CBFB: variants seen among roughly 807,000 people sequenced by gnomAD.
CBFB encodes the protein core-binding factor subunit beta, also known as CBF-beta.
Under a neutral mutation model 30.4 loss-of-function variants are expected in CBFB, and 9 were observed. The observed-to-expected ratio is 0.30, with a 90% CI of 0.18 to 0.52. The LOEUF is 0.52. Among genes scored for constraint, CBFB ranks in the 20% least tolerant of loss-of-function variants. CBFB has a pLI of 0.97. For missense variants in CBFB, 170 were observed against 244.0 expected, an observed-to-expected ratio of 0.70 and a Z score of 2.02; for synonymous variants, 94 against 84.0, an observed-to-expected ratio of 1.12 and a Z score of -0.65.
intron 4 of CBFB, among the ~76,000 whole-genome samples, chr16:67,070,678 T>C (rs1374497183): frequency 6.6e-6 from 1 of 151,046 alleles, no homozygotes; most frequent in Admixed American, 6.6e-5. Context: ...GGCAAAACCC[T>C]GTCTCTACCA....
At chr16:67,035,062 G>A (rs1047939262) in intron 2 of CBFB, among the ~76,000 whole-genome samples, 4 of 150,952 alleles carry the variant, frequency 2.6e-5, no homozygotes, top group South Asian at 2.1e-4. Context: ...ATTTATGCTC[G>A]TAGTACATGG....
At chr16:67,049,090 G>A (rs1966689966) in intron 3 of CBFB, among the ~76,000 whole-genome samples, 1 of 151,682 alleles carries the variant, frequency 6.6e-6, no homozygotes, top group South Asian at 2.1e-4. Context: ...TAAAGTGCTG[G>A]GATTACAGGT....
chr16:67,096,802 A>C (rs1249416219), intron 5 of CBFB, among the ~76,000 whole-genome samples: 1 of 151,216 alleles, frequency 6.6e-6, no homozygotes, highest in East Asian at 2.0e-4. Context: ...AAGAAACCCC[A>C]TCTCTACTAA....
chr16:67,048,484 T>C (rs1403090583), intron 3 of CBFB, among the ~76,000 whole-genome samples: 1 of 152,196 alleles, frequency 6.6e-6, no homozygotes, highest in African/African-American at 2.4e-5. Context: ...AAATAAGATA[T>C]TACATGAAGT....
Position 67,066,811 on chromosome 16 carries a change from C to A in CBFB, c.399+13C>A. ...GGAGCGAGCCCAGGTAGGGTAACAT[C>A]AGGCTTTATTGAGCATGGTCCCTTT... On this transcript the variant is annotated intron_variant, in intron 4 of 5. Transcript: ENST00000412916. 1 of 1,466,846 alleles carries A rather than the reference C, an allele frequency of 6.8e-7. No individual in the cohort carries two copies. The highest frequency in any genetic ancestry group is 9.5e-7 in the Non-Finnish European group (1 of 1,048,880). 90.9% of individuals were successfully genotyped at this position (1,466,846 alleles called of 1,614,324 possible). A position where few individuals can be genotyped will look rare whatever the true frequency, so the allele number is the denominator to read the frequency against.
At chr16:67,094,677 T>C (rs1026114114) in intron 5 of CBFB, among the ~76,000 whole-genome samples, 18 of 152,228 alleles carry the variant, frequency 1.2e-4, no homozygotes, top group Admixed American at 9.8e-4. Context: ...CTAACCTTCA[T>C]TGACTGAAAG....
chr16:67,071,499 C>A (rs555476442), intron 4 of CBFB, among the ~76,000 whole-genome samples: 1 of 152,110 alleles, frequency 6.6e-6, no homozygotes, highest in Non-Finnish European at 1.5e-5. Context: ...TCACGGGGAA[C>A]CAAATTGGCT....
At chr16:67,080,091 CAAAAAT>C (rs1961513332) in intron 4 of CBFB, among the ~76,000 whole-genome samples, 1 of 152,126 alleles carries the variant, frequency 6.6e-6, no homozygotes, top group Admixed American at 6.5e-5. Context: ...GACTCTGTCT[CAAAAAT>C]AATAATAATA....
At chr16:67,042,599 C>T (rs902023035) in intron 3 of CBFB, among the ~76,000 whole-genome samples, 12 of 152,234 alleles carry the variant, frequency 7.9e-5, no homozygotes, top group African/African-American at 2.9e-4. Flanking sequence ...CATGAGGTTG[C>T]AGTCAAGCTT....
chr16:67,092,624 C>A (rs748953357), intron 5 of CBFB, among the ~76,000 whole-genome samples: 28 of 151,086 alleles, frequency 1.9e-4, no homozygotes, highest in Non-Finnish European at 3.8e-4. Flanking sequence ...CCTTCCTTCC[C>A]CCTGAATTTT....
At chr16:67,092,191 C>T (rs192477306) in intron 5 of CBFB, among the ~76,000 whole-genome samples, 1 of 152,050 alleles carries the variant, frequency 6.6e-6, no homozygotes, top group East Asian at 1.9e-4. Context: ...GTTTGGTTTT[C>T]TGTTGCTGTG....
chr16:67,052,812 A>C (rs539054859), intron 3 of CBFB, among the ~76,000 whole-genome samples: 1 of 152,150 alleles, frequency 6.6e-6, no homozygotes, highest in South Asian at 2.1e-4. Flanking sequence ...AAAATAAAAT[A>C]ATTAGCCAGG....
intron 3 of CBFB, among the ~76,000 whole-genome samples, chr16:67,047,220 G>A (rs1182656985): frequency 4.0e-5 from 6 of 151,718 alleles, no homozygotes; most frequent in Admixed American, 2.6e-4. Context: ...AACACAGCAA[G>A]ACTCTGTCTC....
chr16:67,041,319 TA>T (rs1480297700), intron 3 of CBFB, among the ~76,000 whole-genome samples: 2 of 152,088 alleles, frequency 1.3e-5, no homozygotes, highest in Admixed American at 1.3e-4. Flanking sequence ...TAATAGGTTA[TA>T]GGGGGCAAAA....
chr16:67,047,788 G>C (rs1371399471), intron 3 of CBFB, among the ~76,000 whole-genome samples: 2 of 152,002 alleles, frequency 1.3e-5, no homozygotes, highest in African/African-American at 2.4e-5. Flanking sequence ...TTTTTACTGG[G>C]TCAGGTGCCG....
chr16:67,054,394 G>A (rs938618429), intron 3 of CBFB, among the ~76,000 whole-genome samples: 10 of 152,026 alleles, frequency 6.6e-5, no homozygotes, highest in African/African-American at 1.4e-4. Context: ...CAATTTCCCC[G>A]TCTTTGGAAG....
intron 3 of CBFB, among the ~76,000 whole-genome samples, chr16:67,061,701 A>C (rs978797028): frequency 3.9e-5 from 6 of 152,168 alleles, no homozygotes; most frequent in African/African-American, 1.4e-4. Flanking sequence ...TATTATTTTT[A>C]ATTATAATTG....
At chr16:67,043,367 C>G (rs1966564807) in intron 3 of CBFB, among the ~76,000 whole-genome samples, 1 of 152,130 alleles carries the variant, frequency 6.6e-6, no homozygotes, top group African/African-American at 2.4e-5. Flanking sequence ...AGAAATTAGT[C>G]CTTTTATTCA....
Position 67,088,137 on chromosome 16 carries a change from A to G in CBFB, c.495+5829A>G, listed in dbSNP as rs572995083. Reference sequence around the variant, plus strand: ...CTTGTAGAGAACTGTCATCTGGAAAATTGGGCTGGAATCTGACTCCAGCAC... The same window carrying G: ...CTTGTAGAGAACTGTCATCTGGAAAGTTGGGCTGGAATCTGACTCCAGCAC... On this transcript the variant is annotated intron_variant, in intron 5 of 5. Coordinates refer to ENST00000412916, the MANE Select transcript of CBFB (RefSeq NM_022845.3). Among the ~76,000 whole-genome samples, 71 of 152,306 alleles carry G rather than the reference A, an allele frequency of 4.7e-4. No individual in the cohort carries two copies. The Middle Eastern group carries it at 0.01, about 22-fold the overall frequency.
Sources: gnomAD v4.1 joint callset for allele counts (sites outside exome capture counted in the v4.1 genomes callset) on GRCh38, gnomAD v4.1.1 for gene constraint, MANE v1.5 for transcripts, NCBI Gene and HGNC (gene_info 2026-07-23, HGNC 2026-07-21) for gene names.